Variants in DNAH9 observed in about 807,000 individuals in gnomAD.
DNAH9 encodes dynein axonemal heavy chain 9, also known as DNAH9 variant protein.
In DNAH9, 345 loss-of-function variants were observed where a neutral mutation model predicts 471.6. That is an observed-to-expected ratio of 0.73 (90% CI 0.67 to 0.80). The LOEUF (loss-of-function observed/expected upper bound fraction) is 0.80, where lower values mean the gene tolerates loss of function less well. Ranked by LOEUF, DNAH9 falls within the 30% of genes least tolerant of loss-of-function variation. The pLI is 0.00. For missense variants in DNAH9, 5,407 were observed against 5,609.2 expected (o/e 0.96, Z 1.15); for synonymous variants, 2,093 against 2,123.6 (o/e 0.99, Z 0.40).
intron 9 of DNAH9, among the ~76,000 whole-genome samples, chr17:11,637,140 GA>G (rs1290337012): frequency 2.6e-5 from 4 of 152,180 alleles, no homozygotes; most frequent in Admixed American, 6.5e-5. Context: ...ACACGCCTGA[GA>G]AAAGTTTCTT....
intron 56 of DNAH9, among the ~76,000 whole-genome samples, chr17:11,885,997 C>T (rs1378256636): frequency 6.6e-6 from 1 of 152,054 alleles, no homozygotes; most frequent in Non-Finnish European, 1.5e-5. Flanking sequence ...CTTCCTGATC[C>T]TGAGGTCTCC....
At chr17:11,796,520 C>T (rs1969247244) in intron 42 of DNAH9, among the ~76,000 whole-genome samples, 1 of 152,142 alleles carries the variant, frequency 6.6e-6, no homozygotes, top group African/African-American at 2.4e-5. Flanking sequence ...CCTCACTTTC[C>T]CTATATTAGG....
At chr17:11,826,500 G>A (rs528854703) in intron 48 of DNAH9, among the ~76,000 whole-genome samples, 54 of 115,698 alleles carry the variant, frequency 4.7e-4, no homozygotes, top group African/African-American at 1.8e-3. Context: ...TTGCTCTGTC[G>A]CACAGGCTGG....
intron 8 of DNAH9, among the ~76,000 whole-genome samples, chr17:11,634,645 A>C (rs978879164): frequency 6.6e-6 from 1 of 152,182 alleles, no homozygotes; most frequent in Non-Finnish European, 1.5e-5. Flanking sequence ...TTGTTTTGTG[A>C]AAGAAAGTGT....
rs1443042131 is a variant in DNAH9, at chr17:11,937,003, T to G, written c.12490-349T>G. Among the ~76,000 whole-genome samples the G allele has an allele frequency of 2.0e-5, 3 of 152,136 alleles. No individual in the cohort carries two copies. Among genetic ancestry groups the G allele is most frequent in the Non-Finnish European group, 4.4e-5 (3 of 68,030 alleles). ...TAAAATCACTAGGGAGGGATTCGTA[T>G]TTTTGAAAGACTATGAGAAGTCCTC... On this transcript the variant is annotated intron_variant, in intron 65 of 68. Coordinates refer to ENST00000262442, the MANE Select transcript of DNAH9 (RefSeq NM_001372.4). This position sits in a 1 kb window ranked among gnomAD's most constrained non-coding sequence, Gnocchi z 4.1.
In DNAH9 at chr17:11,880,071, TC is replaced by T. The variant is rs753149504; in HGVS notation, c.10479-4del. The T allele has an allele frequency of 4.6e-5, 74 of 1,613,630 alleles. No individual in the cohort carries two copies. Among genetic ancestry groups the T allele is most frequent in the Non-Finnish European group, 5.9e-5 (70 of 1,179,780 alleles). On this transcript the variant is annotated splice_region_variant and splice_polypyrimidine_tract_variant and intron_variant, in intron 53 of 68. Coordinates refer to ENST00000262442, the MANE Select transcript of DNAH9 (RefSeq NM_001372.4). ...TCATACTCCCGGACTCATACTTGTT[TC>T]CCTAGCTACCTTCAAATCATAGAGC...
chr17:11,655,420 GAT>G (rs1160148386), intron 14 of DNAH9, among the ~76,000 whole-genome samples: 5 of 149,680 alleles, frequency 3.3e-5, no homozygotes, highest in African/African-American at 9.8e-5. Context: ...TAGAGAAAAA[GAT>G]AAAAATTTCT....
intron 61 of DNAH9, among the ~76,000 whole-genome samples, chr17:11,912,258 C>A (rs1973816499): frequency 6.6e-6 from 1 of 152,150 alleles, no homozygotes; most frequent in South Asian, 2.1e-4. Context: ...ACTTCGTGAT[C>A]TGCCTGCCTC....
In DNAH9 at chr17:11,598,545, A is replaced by T; in HGVS notation, c.47A>T (p.Asp16Val). The change falls in exon 1 of 69, where the codon GAT becomes GTT. Residue 16 changes from aspartate to valine, a missense_variant. Physicochemically the swap from Asp to Val is radical, Grantham distance 152 (BLOSUM62 -3). Transcript: ENST00000262442. The stretch of plus-strand genomic sequence containing the variant: ...GCCGCGCTCGCGGCGGAGAACGCGG[A>T]TGGGGAACCCGGCGCCGACCGACGA... The part of the protein sequence containing the change: ...ERAALAAENA[D>V]GEPGADRRLR... 1 of 1,408,018 alleles carries T rather than the reference A, an allele frequency of 7.1e-7. No homozygotes were observed. The allele number at this position is 1,408,018 out of a possible 1,614,324, so 87.2% of individuals were successfully genotyped here.
At position 11,669,798 on chromosome 17, in the gene DNAH9, C is replaced by A; in HGVS notation, c.3353+4C>A. The A allele has an allele frequency of 6.2e-7, 1 of 1,610,958 alleles. No individual in the cohort carries two copies. Among genetic ancestry groups the A allele is most frequent in the South Asian group, 1.1e-5 (1 of 90,990 alleles). On this transcript the variant is annotated splice_donor_region_variant and intron_variant, in intron 17 of 68. Transcript: ENST00000262442. ...TTGTGGACCACGTCACTCACAGGTA[C>A]AACAGTTGTTTTCACTTTCTTCCAG...
In DNAH9 at chr17:11,669,747, G is replaced by A. The variant is rs2073945127; in HGVS notation, c.3306G>A (p.Arg1102=). The change falls in exon 17 of 69, where the codon AGG becomes AGA. Residue 1102 remains arginine, a synonymous_variant. Coordinates refer to ENST00000262442, the MANE Select transcript of DNAH9 (RefSeq NM_001372.4). ...FKASLLNIIK[R]WSLLFKQHLV... is the part of the protein sequence containing the mutation. Reference sequence around the variant, plus strand: ...CATCTCTGCTGAATATTATTAAGAGGTGGAGCCTCCTGTTCAAACAGCATC... The same window carrying A: ...CATCTCTGCTGAATATTATTAAGAGATGGAGCCTCCTGTTCAAACAGCATC... The A allele has an allele frequency of 6.2e-7, 1 of 1,614,144 alleles. No individual in the cohort carries two copies. The highest frequency in any genetic ancestry group is 8.5e-7 in the Non-Finnish European group (1 of 1,180,018).
chr17:11,684,799 C>T (rs1414739055), intron 19 of DNAH9, among the ~76,000 whole-genome samples: 3 of 152,176 alleles, frequency 2.0e-5, no homozygotes, highest in Non-Finnish European at 4.4e-5. Context: ...TTCCAAATAG[C>T]CCAAGGCAGC....
chr17:11,616,998 G>A (rs1047836784), intron 4 of DNAH9, among the ~76,000 whole-genome samples: 11 of 152,242 alleles, frequency 7.2e-5, no homozygotes, highest in Non-Finnish European at 1.5e-4. Context: ...TTACAGCTCT[G>A]CCTATTTTTG....
chr17:11,714,753 T>A (rs2074930196), intron 26 of DNAH9, among the ~76,000 whole-genome samples: 1 of 152,078 alleles, frequency 6.6e-6, no homozygotes, highest in Non-Finnish European at 1.5e-5. Context: ...TGAGAAGAAT[T>A]TGACATGCCA....
At chr17:11,952,183 A>C (rs1975396108) in intron 67 of DNAH9, among the ~76,000 whole-genome samples, 1 of 136,830 alleles carries the variant, frequency 7.3e-6, no homozygotes, top group South Asian at 2.3e-4. Flanking sequence ...TCTGTTGCCC[A>C]GGCTGGAGTT....
chr17:11,889,325 G>C (rs1972978510), intron 57 of DNAH9, among the ~76,000 whole-genome samples: 1 of 152,204 alleles, frequency 6.6e-6, no homozygotes, highest in South Asian at 2.1e-4. Context: ...GTTTTCTTTG[G>C]TCCTTGGAGG....
intron 15 of DNAH9, among the ~76,000 whole-genome samples, chr17:11,666,443 T>C (rs2073869538): frequency 6.6e-6 from 1 of 152,176 alleles, no homozygotes; most frequent in African/African-American, 2.4e-5. Flanking sequence ...TGGCAGTCTT[T>C]CTCCAAGATT....
chr17:11,776,206 G>GT (rs1281539092), intron 38 of DNAH9, among the ~76,000 whole-genome samples: 2 of 152,102 alleles, frequency 1.3e-5, no homozygotes, highest in African/African-American at 2.4e-5. Flanking sequence ...TAAATATTCT[G>GT]TTTTTTATAA....
At chr17:11,634,743 A>C (rs181459391) in intron 8 of DNAH9, among the ~76,000 whole-genome samples, 28 of 152,264 alleles carry the variant, frequency 1.8e-4, no homozygotes, top group Non-Finnish European at 3.2e-4. Flanking sequence ...ATCCAGTCAA[A>C]CTGTCAGACC....
Sources: gnomAD v4.1 joint callset for allele counts (sites outside exome capture counted in the v4.1 genomes callset) on GRCh38, gnomAD v4.1.1 for gene constraint, Gnocchi (gnomAD v3.1) non-coding constraint, MANE v1.5 for transcripts, NCBI Gene and HGNC (gene_info 2026-07-23, HGNC 2026-07-21) for gene names.